MDGA2: variants seen among roughly 807,000 people sequenced by gnomAD.
The protein encoded by MDGA2 is MAM domain containing glycosylphosphatidylinositol anchor 2, also known as MAM domain-containing glycosylphosphatidylinositol anchor protein 2.
MDGA2 carries 40 observed loss-of-function variants against 117.8 expected under a neutral mutation model. That is an observed-to-expected ratio of 0.34 (90% CI 0.26 to 0.44). The LOEUF is 0.44. MDGA2 is among the 20% of genes least tolerant of loss of function. MDGA2 has a pLI of 1.00. For missense variants in MDGA2, 1,123 were observed against 1,250.6 expected (o/e 0.90, Z 1.54); for synonymous variants, 452 against 439.0 (o/e 1.03, Z -0.37).
intron 7 of MDGA2, among the ~76,000 whole-genome samples, chr14:47,044,545 G>C (rs1889189447): frequency 1.3e-5 from 2 of 152,182 alleles, no homozygotes; most frequent in South Asian, 4.1e-4. Flanking sequence ...TTATAAATAT[G>C]TCTTCACACC....
chr14:47,049,924 A>T (rs1566592982), intron 7 of MDGA2, among the ~76,000 whole-genome samples: 1 of 151,906 alleles, frequency 6.6e-6, no homozygotes, highest in Non-Finnish European at 1.5e-5. Context: ...ACCTTTTCTA[A>T]AGCTTTTGGC....
At chr14:47,105,961 C>T (rs958295983) in intron 5 of MDGA2, among the ~76,000 whole-genome samples, 7 of 24,766 alleles carry the variant, frequency 2.8e-4, no homozygotes, top group African/African-American at 1.6e-3. Flanking sequence ...CTTACAGTTT[C>T]GTTCCGTGAC....
At chr14:47,568,124 T>C (rs368962476) in intron 1 of MDGA2, among the ~76,000 whole-genome samples, 12 of 152,136 alleles carry the variant, frequency 7.9e-5, no homozygotes, top group African/African-American at 2.7e-4. Context: ...AGCGAGGTTA[T>C]TAAAGTTAGA....
At chr14:47,670,902 C>CAT (rs1230565177) in intron 1 of MDGA2, among the ~76,000 whole-genome samples, 6 of 152,002 alleles carry the variant, frequency 3.9e-5, no homozygotes, top group South Asian at 4.1e-4. Flanking sequence ...TTTAAATGCA[C>CAT]ATATATATAT....
chr14:47,185,654 G>A (rs1475145965), intron 3 of MDGA2, among the ~76,000 whole-genome samples: 6 of 151,586 alleles, frequency 4.0e-5, no homozygotes, highest in African/African-American at 7.2e-5. Flanking sequence ...GAAAAAATCT[G>A]TTTCATGCGG....
chr14:47,655,725 A>G (rs775765842), intron 1 of MDGA2, among the ~76,000 whole-genome samples: 1 of 152,126 alleles, frequency 6.6e-6, no homozygotes, highest in South Asian at 2.1e-4. Flanking sequence ...ATAACAGAAC[A>G]CTTTAGATCT....
chr14:46,981,178 G>GGGT (rs386381280), intron 8 of MDGA2, among the ~76,000 whole-genome samples: 1 of 151,576 alleles, frequency 6.6e-6, no homozygotes, highest in Admixed American at 6.6e-5. Flanking sequence ...CCAAGGGGGG[G>GGGT]GCGGATCATG....
At chr14:47,503,220 T>C (rs1172235057) in intron 1 of MDGA2, among the ~76,000 whole-genome samples, 1 of 151,866 alleles carries the variant, frequency 6.6e-6, no homozygotes, top group Non-Finnish European at 1.5e-5. Context: ...CTGTTGATGA[T>C]CAGTACAGTG....
At chr14:46,988,861 T>G (rs914693263) in intron 8 of MDGA2, among the ~76,000 whole-genome samples, 3 of 152,020 alleles carry the variant, frequency 2.0e-5, no homozygotes, top group African/African-American at 7.2e-5. Flanking sequence ...GCTTGGAAAA[T>G]AGTAGCATGC....
intron 8 of MDGA2, among the ~76,000 whole-genome samples, chr14:47,000,032 G>A (rs1887445569): frequency 6.6e-6 from 1 of 151,604 alleles, no homozygotes; most frequent in Non-Finnish European, 1.5e-5. Flanking sequence ...CATTTTACAA[G>A]TCATTTACCC....
chr14:47,504,117 C>T (rs1454601645), intron 1 of MDGA2, among the ~76,000 whole-genome samples: 3 of 152,056 alleles, frequency 2.0e-5, no homozygotes, highest in Admixed American at 1.3e-4. Flanking sequence ...TGGGGTTAAA[C>T]GTGAAGGGAG....
intron 1 of MDGA2, among the ~76,000 whole-genome samples, chr14:47,501,141 C>A (rs1345948091): frequency 6.6e-6 from 1 of 152,026 alleles, no homozygotes; most frequent in Non-Finnish European, 1.5e-5. Context: ...TATGATCAAA[C>A]CTCTGAATAT....
chr14:46,880,063 C>T (rs1454547140), intron 11 of MDGA2, among the ~76,000 whole-genome samples: 1 of 152,106 alleles, frequency 6.6e-6, no homozygotes, highest in Non-Finnish European at 1.5e-5. Flanking sequence ...TGCTGTGGCT[C>T]ATGCCCGTAA....
rs114855016 is a variant in MDGA2 at position 47,251,582 on chromosome 14, A to G, written c.421-33387T>C. On this transcript the variant is annotated intron_variant, in intron 2 of 16. Coordinates refer to ENST00000399232, the MANE Select transcript of MDGA2 (RefSeq NM_001113498.3). ...ATGGGAGATGAATAAACCATCGTAC[A>G]ATTCTTAGATTGTTGTTACTGTCAT... 9.5e-3 allele frequency among the ~76,000 whole-genome samples: 1,441 copies of G among 152,302 alleles called. 25 individuals are homozygous for G. The highest frequency in any genetic ancestry group is 0.033 in the African/African-American group (1,385 of 41,562).
At chr14:47,178,773 T>C (rs888116290) in intron 3 of MDGA2, among the ~76,000 whole-genome samples, 2 of 152,112 alleles carry the variant, frequency 1.3e-5, no homozygotes, top group East Asian at 3.8e-4. Flanking sequence ...CAAATGTATA[T>C]AGAAACTCAG....
At chr14:46,854,741 A>G (rs1182313393) in intron 15 of MDGA2, among the ~76,000 whole-genome samples, 1 of 151,872 alleles carries the variant, frequency 6.6e-6, no homozygotes, top group East Asian at 1.9e-4. Flanking sequence ...AAATATAAGC[A>G]TGTGATTTTA....
chr14:47,147,758 A>G (rs1395063956), intron 3 of MDGA2, among the ~76,000 whole-genome samples: 2 of 152,152 alleles, frequency 1.3e-5, no homozygotes, highest in Non-Finnish European at 2.9e-5. Flanking sequence ...AGCTATTCCA[A>G]GACTCTGGTT....
intron 1 of MDGA2, among the ~76,000 whole-genome samples, chr14:47,469,603 G>T (rs901507957): frequency 6.6e-6 from 1 of 151,934 alleles, no homozygotes; most frequent in Admixed American, 6.6e-5. Flanking sequence ...GAATAGTGCC[G>T]CAATAAACAT....
chr14:46,900,371 G>A (rs966981577), intron 10 of MDGA2, among the ~76,000 whole-genome samples: 2 of 152,144 alleles, frequency 1.3e-5, no homozygotes, highest in Non-Finnish European at 2.9e-5. Flanking sequence ...TTATCCCAGA[G>A]AAACAAGTAT....
Sources: gnomAD v4.1 joint callset for allele counts (sites outside exome capture counted in the v4.1 genomes callset) on GRCh38, gnomAD v4.1.1 for gene constraint, MANE v1.5 for transcripts, NCBI Gene and HGNC (gene_info 2026-07-23, HGNC 2026-07-21) for gene names.